CELF4: variants seen among roughly 807,000 people sequenced by gnomAD.
CELF4 encodes the protein CUG-BP- and ETR-3-like factor 4.
A neutral mutation model predicts 59.9 loss-of-function variants in CELF4; 18 were observed. The observed-to-expected ratio is 0.30, with a 90% confidence interval of 0.21 to 0.45. The LOEUF (loss-of-function observed/expected upper bound fraction) is 0.45. CELF4 is among the 20% of genes least tolerant of loss of function. CELF4 has a pLI of 1.00. For missense variants in CELF4, 456 were observed against 689.0 expected (o/e 0.66, Z 3.79); for synonymous variants, 261 against 267.1 (o/e 0.98, Z 0.22).
chr18:37,286,125 G>A (rs1247126174), intron 3 of CELF4, among the ~76,000 whole-genome samples: 1 of 152,100 alleles, frequency 6.6e-6, no homozygotes, highest in Non-Finnish European at 1.5e-5. Flanking sequence ...GGGAGGAGGA[G>A]GACAGGGTGG....
At chr18:37,391,939 A>G (rs944662459) in intron 2 of CELF4, among the ~76,000 whole-genome samples, 1 of 152,178 alleles carries the variant, frequency 6.6e-6, no homozygotes, top group Admixed American at 6.5e-5. Context: ...CCCACCCTGA[A>G]AGCCTGGATC....
intron 2 of CELF4, among the ~76,000 whole-genome samples, chr18:37,356,519 C>CATTGGTGCTGGGGAGGTT (rs1569567527): frequency 6.8e-6 from 1 of 148,146 alleles, no homozygotes; most frequent in African/African-American, 2.6e-5. Context: ...CTGGGAAGGC[C>CATTGGTGCTGGGGAGGTT]AGAGGTGCTG....
At chr18:37,514,033 A>G (rs2099947749) in intron 1 of CELF4, among the ~76,000 whole-genome samples, 2 of 151,420 alleles carry the variant, frequency 1.3e-5, no homozygotes, top group South Asian at 4.2e-4. Context: ...TGATGGCTCT[A>G]CCAAGTCCAG....
intron 8 of CELF4, among the ~76,000 whole-genome samples, chr18:37,267,016 G>T (rs1348526490): frequency 1.2e-4 from 19 of 152,178 alleles, no homozygotes; most frequent in Admixed American, 1.2e-3. Flanking sequence ...CCCAGTGGGT[G>T]AAAGAAAGGG....
At chr18:37,368,398 C>T (rs1423754105) in intron 2 of CELF4, among the ~76,000 whole-genome samples, 1 of 152,116 alleles carries the variant, frequency 6.6e-6, no homozygotes, top group Non-Finnish European at 1.5e-5. Context: ...TGATCCTCCC[C>T]ACAATGATGT....
intron 1 of CELF4, among the ~76,000 whole-genome samples, chr18:37,535,335 T>C (rs2154605224): frequency 6.6e-6 from 1 of 152,332 alleles, no homozygotes; most frequent in South Asian, 2.1e-4. Context: ...GTCAGTCTTT[T>C]CAAAATGTTA....
intron 2 of CELF4, among the ~76,000 whole-genome samples, chr18:37,404,826 G>A (rs2099364520): frequency 6.6e-6 from 1 of 152,182 alleles, no homozygotes. Flanking sequence ...AATCTGCTCT[G>A]GAGGCTGGCA....
At chr18:37,458,308 G>T (rs1053662555) in intron 2 of CELF4, among the ~76,000 whole-genome samples, 4 of 152,160 alleles carry the variant, frequency 2.6e-5, no homozygotes, top group Non-Finnish European at 4.4e-5. Context: ...AGTTTTCCAG[G>T]TGCACACTAG....
intron 10 of CELF4, among the ~76,000 whole-genome samples, chr18:37,259,492 C>T (rs895888417): frequency 1.3e-5 from 2 of 152,232 alleles, no homozygotes; most frequent in African/African-American, 4.8e-5. Flanking sequence ...CACTGAACCT[C>T]TCTGTGCCTC....
chr18:37,269,303 C>T (rs778566830), intron 8 of CELF4, among the ~76,000 whole-genome samples: 5 of 152,150 alleles, frequency 3.3e-5, no homozygotes, highest in Admixed American at 6.5e-5. Flanking sequence ...ATGGGGCAAG[C>T]TCTGGAATGG....
chr18:37,564,969 C>G (rs1052917286), intron 1 of CELF4, among the ~76,000 whole-genome samples: 2 of 152,134 alleles, frequency 1.3e-5, no homozygotes, highest in African/African-American at 4.8e-5. Context: ...ACCCTCGGTC[C>G]TCGGCCGGCC....
At chr18:37,309,633 G>A (rs72883676) in intron 3 of CELF4, among the ~76,000 whole-genome samples, 9,880 of 152,068 alleles carry the variant, frequency 0.065, 439 homozygotes, top group Middle Eastern at 0.13. Flanking sequence ...GGTAAGCTTG[G>A]GCTAGAGGAT....
intron 2 of CELF4, among the ~76,000 whole-genome samples, chr18:37,427,736 C>T (rs1453922733): frequency 1.3e-5 from 2 of 152,204 alleles, no homozygotes; most frequent in East Asian, 1.9e-4. Context: ...GGACCTTCCT[C>T]GGCCTTGATC....
chr18:37,470,880 G>GAC (rs2099819856), intron 2 of CELF4, among the ~76,000 whole-genome samples: 33 of 102,992 alleles, frequency 3.2e-4, no homozygotes, highest in Middle Eastern at 4.6e-3. Context: ...GTGTGTGTGT[G>GAC]TGTGTGTGAC....
chr18:37,268,235 G>T (rs1021076083), intron 8 of CELF4, among the ~76,000 whole-genome samples: 1 of 152,134 alleles, frequency 6.6e-6, no homozygotes, highest in African/African-American at 2.4e-5. Context: ...CCTGCCTGGG[G>T]CTGTCCCAGT....
chr18:37,274,759 C>G, intron 5 of CELF4, 46 bp downstream of exon 5: 11 of 1,524,518 alleles, frequency 7.2e-6, no homozygotes, highest in South Asian at 2.5e-5. Context: ...GCTGGGGTCT[C>G]GGCCCGCCGC....
intron 3 of CELF4, 74 bp from the exon 4 acceptor site, chr18:37,275,317 G>T: frequency 6.7e-6 from 10 of 1,487,586 alleles, no homozygotes; most frequent in Admixed American, 1.9e-5. Context: ...GCCGGAGGGG[G>T]AGAGCGGCAG....
chr18:37,550,436 C>T lies in CELF4; in HGVS notation c.286+14920G>A, dbSNP rs558861714. ...CTCTGCCTGCCTCTCCTTTTTCCTG[C>T]CCCCAAGGGAGCATGAACCAAGAAG... On this transcript the variant is annotated intron_variant, in intron 1 of 12. Coordinates refer to ENST00000420428, the MANE Select transcript of CELF4 (RefSeq NM_020180.4). Among the ~76,000 whole-genome samples the T allele has an allele frequency of 2.0e-5, 3 of 152,286 alleles. No individual in the cohort carries two copies. In the South Asian group the frequency reaches 6.2e-4, roughly 32 times the overall value.
chr18:37,495,869 G>C (rs1360481911), intron 1 of CELF4, among the ~76,000 whole-genome samples: 2 of 152,014 alleles, frequency 1.3e-5, no homozygotes, highest in African/African-American at 4.8e-5. Context: ...GTGTGTTTTG[G>C]GGGGTGCGAT....
Sources: allele counts gnomAD v4.1 joint callset (sites outside exome capture counted in the v4.1 genomes callset), GRCh38; gene constraint gnomAD v4.1.1; transcripts MANE v1.5; gene names NCBI Gene and HGNC (gene_info 2026-07-23, HGNC 2026-07-21).